SIN3B: variants seen among roughly 807,000 people sequenced by gnomAD.
SIN3B encodes paired amphipathic helix protein Sin3b.
Under a neutral mutation model 120.2 loss-of-function variants are expected in SIN3B, and 19 were observed. That is an observed-to-expected ratio of 0.16 (90% CI 0.11 to 0.23). The LOEUF (loss-of-function observed/expected upper bound fraction) is 0.23, where lower values mean the gene tolerates loss of function less well. SIN3B is among the 10% of genes least tolerant of loss of function. The probability of loss-of-function intolerance (pLI) is 1.00; values close to 1 mark genes in which losing one functional copy is unlikely to be tolerated. For missense variants in SIN3B, 1,073 were observed against 1,573.0 expected (o/e 0.68, Z 5.38); for synonymous variants, 654 against 653.2 (o/e 1.00, Z -0.02).
In SIN3B at chr19:16,854,176, G is replaced by A. The variant is rs774335992; in HGVS notation, c.973G>A (p.Glu325Lys). The stretch of plus-strand genomic sequence containing the variant: ...GGTGCTGAAGAGCCAGGAGGTGTAT[G>A]AAAACTTCCTCCGCTGCATCGCACT... ...RRVLKSQEVY[E>K]NFLRCIALFN... Residue 325 changes from glutamate (E) to lysine (K), a missense_variant, in exon 8 of 19, where the codon GAA becomes AAA. Glu to Lys is a moderately conservative substitution (Grantham distance 56, BLOSUM62 1). This residue lies in a region of SIN3B where 395 missense variants were observed against 528.0 expected (regional missense o/e 0.75). Transcript: ENST00000248054. The A allele has an allele frequency of 9.3e-6, 15 of 1,612,556 alleles. No individual in the cohort carries two copies. In the South Asian group the frequency reaches 1.6e-4, roughly 18 times the overall value.
intron 3 of SIN3B, among the ~76,000 whole-genome samples, chr19:16,836,561 T>C (rs999076345): frequency 6.6e-6 from 1 of 152,210 alleles, no homozygotes; most frequent in African/African-American, 2.4e-5. Flanking sequence ...TTGGTTTTCC[T>C]TCCTTGGTTG....
chr19:16,879,091 G>A lies in SIN3B; in HGVS notation c.*364G>A. ...TTGCCGTGTCTTGGAAAAGTCACAG[G>A]TGACAGCCCTCCTGAGGCCCACACT... On this transcript the variant is annotated 3_prime_UTR_variant, in exon 19 of 19. Coordinates refer to ENST00000248054, the MANE Select transcript of SIN3B (RefSeq NM_001297595.2). The A allele has an allele frequency of 3.4e-6, 1 of 297,688 alleles. No individual in the cohort carries two copies. 18.4% of individuals were successfully genotyped at this position (297,688 alleles called of 1,614,324 possible). A position where few individuals can be genotyped will look rare whatever the true frequency, so the allele number is the denominator to read the frequency against.
intron 4 of SIN3B, among the ~76,000 whole-genome samples, chr19:16,844,398 G>A (rs143714701): frequency 6.6e-5 from 10 of 152,124 alleles, no homozygotes; most frequent in African/African-American, 9.7e-5. Context: ...GTTCTTATCC[G>A]TAAAATGGCC....
Position 16,876,045 on chromosome 19 carries a change from C to G in SIN3B, c.2593-10C>G. The G allele has an allele frequency of 6.5e-7, 1 of 1,543,192 alleles. No individual in the cohort carries two copies. Among genetic ancestry groups the G allele is most frequent in the South Asian group, 1.2e-5 (1 of 83,658 alleles). On this transcript the variant is annotated splice_polypyrimidine_tract_variant and intron_variant, in intron 14 of 18. Coordinates refer to ENST00000248054, the MANE Select transcript of SIN3B (RefSeq NM_001297595.2). The surrounding 1 kb of genome is among the most constrained non-coding windows in gnomAD (Gnocchi z 7.1). ...CGGGGTGGCCGCACCACCTGCTTTC[C>G]TCCCGCCAGCTGCACCACCTCGTGA...
chr19:16,858,655 A>G (rs1371852757), intron 8 of SIN3B, among the ~76,000 whole-genome samples: 1 of 152,110 alleles, frequency 6.6e-6, no homozygotes, highest in Non-Finnish European at 1.5e-5. Flanking sequence ...TGCATCCAGG[A>G]GTTTAAGACC....
At chr19:16,855,416 A>C (rs972975145) in intron 8 of SIN3B, 7 of 134,912 alleles carry the variant, frequency 5.2e-5, no homozygotes, top group Admixed American at 4.1e-4. Flanking sequence ...CACCTGATAA[A>C]TACTTTTAAA....
chr19:16,873,063 G>A (rs2051533227), intron 14 of SIN3B, among the ~76,000 whole-genome samples: 1 of 152,018 alleles, frequency 6.6e-6, no homozygotes, highest in South Asian at 2.1e-4. Context: ...AGTGCTGTGC[G>A]AGGCCGCACT....
At position 16,878,557 on chromosome 19, in the gene SIN3B, C is replaced by T; in HGVS notation, c.3223C>T (p.Leu1075=). The T allele has an allele frequency of 1.9e-6, 3 of 1,607,340 alleles. No individual in the cohort carries two copies. The highest frequency in any genetic ancestry group is 2.5e-6 in the Non-Finnish European group (3 of 1,177,118). The change falls in exon 19 of 19, where the codon CTG becomes TTG. Residue 1075 remains leucine (L), a synonymous_variant. Coordinates refer to ENST00000248054, the MANE Select transcript of SIN3B (RefSeq NM_001297595.2). ...QHFEEWHSRW[L]EDNVTVEAAS... ...CTTTGAGGAGTGGCACAGCCGCTGGCTGGAGGACAATGTGACGGTGGAGGC... is the reference window on the plus strand; with the variant it reads ...CTTTGAGGAGTGGCACAGCCGCTGGTTGGAGGACAATGTGACGGTGGAGGC...
Position 16,869,366 on chromosome 19 carries a change from T to C in SIN3B, c.1807-94T>C, listed in dbSNP as rs1191329010. ...TGCTCTGGGCAGCGCTCATCCACCT[T>C]GGTGGCCCAGTTAACAGCGAGTCGT... is the stretch of plus-strand genomic sequence containing the variant. On this transcript the variant is annotated intron_variant, in intron 12 of 18. Transcript: ENST00000248054. The C allele has an allele frequency of 7.6e-6, 11 of 1,453,236 alleles. No homozygotes were observed. The East Asian group carries it at 2.2e-4, about 30-fold the overall frequency. 90.0% of individuals were successfully genotyped at this position (1,453,236 alleles called of 1,614,324 possible).
At chr19:16,829,747 C>T in intron 1 of SIN3B, 44 bp from the exon 2 acceptor site, 1 of 1,533,518 alleles carries the variant, frequency 6.5e-7, no homozygotes, top group Non-Finnish European at 9.0e-7. Context: ...CTCGTCCCCT[C>T]GTTCCGCGGC....
intron 14 of SIN3B, among the ~76,000 whole-genome samples, chr19:16,874,068 C>T (rs922599000): frequency 6.6e-6 from 1 of 152,218 alleles, no homozygotes; most frequent in Non-Finnish European, 1.5e-5. Flanking sequence ...TCACACAGCC[C>T]TGTCTGCCCC....
chr19:16,868,104 A>G (rs1971803386), intron 12 of SIN3B, among the ~76,000 whole-genome samples: 1 of 152,232 alleles, frequency 6.6e-6, no homozygotes, highest in Non-Finnish European at 1.5e-5. Context: ...GCATGGTTAC[A>G]GATCATGGAC....
intron 14 of SIN3B, among the ~76,000 whole-genome samples, chr19:16,875,264 T>C (rs1021123759): frequency 3.6e-5 from 5 of 139,494 alleles, no homozygotes; most frequent in African/African-American, 1.4e-4. Context: ...CTGGTCTGGT[T>C]TTGGTCTGGT....
rs368153359 is a variant in SIN3B, at chr19:16,865,598, C to T, written c.1572C>T (p.Ile524=). The change falls in exon 11 of 19, where the codon ATC becomes ATT. Residue 524 remains isoleucine (I), a synonymous_variant. Coordinates refer to ENST00000248054, the MANE Select transcript of SIN3B (RefSeq NM_001297595.2). ...RIYGDKAPEI[I]ESLKKNPVTA... is the part of the protein sequence containing the mutation. Reference sequence around the variant, plus strand: ...ATGGCGACAAGGCCCCGGAGATCATCGAGAGCCTCAAGAAGAACCCTGTCA... The same window carrying T: ...ATGGCGACAAGGCCCCGGAGATCATTGAGAGCCTCAAGAAGAACCCTGTCA... 5.0e-5 allele frequency: 80 copies of T among 1,612,518 alleles called. No homozygotes were observed. In the African/African-American group the frequency reaches 9.5e-4, roughly 19 times the overall value.
chr19:16,872,081 C>T (rs775118361), intron 14 of SIN3B, among the ~76,000 whole-genome samples: 6 of 152,094 alleles, frequency 3.9e-5, no homozygotes, highest in Admixed American at 6.6e-5. Flanking sequence ...ACGTCCCAGA[C>T]GAGCTGGGTG....
intron 8 of SIN3B, among the ~76,000 whole-genome samples, chr19:16,860,596 CTTTT>C (rs34628511): frequency 7.6e-6 from 1 of 131,814 alleles, no homozygotes; most frequent in Non-Finnish European, 1.6e-5. Flanking sequence ...GTAACTGCAA[CTTTT>C]TTTTTTTTTT....
At position 16,876,294 on chromosome 19, in the gene SIN3B, G is replaced by C. The variant is rs568459475; in HGVS notation, c.2766+66G>C. 2.5e-4 allele frequency: 379 copies of C among 1,541,628 alleles called. No homozygotes were observed. The highest frequency in any genetic ancestry group is 3.1e-4 in the Non-Finnish European group (354 of 1,137,096). On this transcript the variant is annotated intron_variant, in intron 15 of 18. Coordinates refer to ENST00000248054, the MANE Select transcript of SIN3B (RefSeq NM_001297595.2). The surrounding 1 kb of genome is among the most constrained non-coding windows in gnomAD (Gnocchi z 7.1). ...GGCCGCTCACTCCGCTCTGGACTCA[G>C]TCCTGGGTGGACCCTGGTTCAGCGG...
intron 6 of SIN3B, among the ~76,000 whole-genome samples, chr19:16,852,420 AC>A (rs1971557480): frequency 6.6e-6 from 1 of 151,914 alleles, no homozygotes; most frequent in Admixed American, 6.6e-5. Flanking sequence ...GCACCACCAC[AC>A]CTTTTTGTAG....
At chr19:16,836,088 G>A (rs759554715) in intron 3 of SIN3B, among the ~76,000 whole-genome samples, 38 of 152,170 alleles carry the variant, frequency 2.5e-4, no homozygotes, top group African/African-American at 8.4e-4. Context: ...TCCCAGCCTC[G>A]GGCAGCCTTT....
Sources: gnomAD v4.1 joint callset for allele counts (sites outside exome capture counted in the v4.1 genomes callset) on GRCh38, gnomAD v4.1.1 for gene constraint, gnomAD v4.1.1 regional missense constraint, Gnocchi (gnomAD v3.1) non-coding constraint, MANE v1.5 for transcripts, NCBI Gene and HGNC (gene_info 2026-07-23, HGNC 2026-07-21) for gene names.